Variants in CCNJL observed in about 807,000 individuals in gnomAD.
CCNJL encodes cyclin J like, also known as cyclin-J-like protein.
Under a neutral mutation model 33.4 loss-of-function variants are expected in CCNJL, and 33 were observed. The ratio of observed to expected loss-of-function variants is 0.99; its 90% CI spans 0.75 to 1.32. CCNJL has a LOEUF of 1.32. Among genes scored for constraint, CCNJL ranks in the 40% most tolerant of loss-of-function variants. CCNJL has a pLI of 0.00. For missense variants in CCNJL, 512 were observed against 499.7 expected (o/e 1.02, Z -0.23); for synonymous variants, 227 against 220.9 (o/e 1.03, Z -0.24).
chr5:160,317,144 AT>A (rs1315553633), upstream of CCNJL, among the ~76,000 whole-genome samples: 1 of 152,206 alleles, frequency 6.6e-6, no homozygotes, highest in African/African-American at 2.4e-5. Flanking sequence ...CCTTTAAATG[AT>A]TTTTAATCGT....
intron 2 of CCNJL, among the ~76,000 whole-genome samples, chr5:160,300,602 ATTC>A (rs1762891618): frequency 1.3e-5 from 2 of 152,226 alleles, no homozygotes; most frequent in South Asian, 2.1e-4. Context: ...GCCCAAGGCA[ATTC>A]TTCTTCCAGT....
chr5:160,270,997 A>T, intron 3 of CCNJL, among the ~76,000 whole-genome samples: 1 of 152,200 alleles, frequency 6.6e-6, no homozygotes, highest in East Asian at 1.9e-4. Flanking sequence ...ACAAAGAGAG[A>T]CTTTTCCTGT....
chr5:160,281,473 T>C (rs1468771291), intron 2 of CCNJL: 2 of 153,024 alleles, frequency 1.3e-5, no homozygotes, highest in Non-Finnish European at 2.9e-5. Flanking sequence ...AGATGACTTT[T>C]ACTTCTACTT....
rs1020431558 is a variant in CCNJL at position 160,251,896 on chromosome 5, T to C, written c.*1482A>G. ...AGAGTCTTATCCACACCCCGTCTCTTTTCTTACTGTCTCCATGCTGAGATT... is the reference window on the plus strand; with the variant it reads ...AGAGTCTTATCCACACCCCGTCTCTCTTCTTACTGTCTCCATGCTGAGATT... On this transcript the variant is annotated 3_prime_UTR_variant, in exon 6 of 6. Coordinates refer to ENST00000257536, the MANE Select transcript of CCNJL (RefSeq NM_001308173.3). 3.0e-4 allele frequency: 46 copies of C among 152,176 alleles called. No homozygotes were observed. Among genetic ancestry groups the C allele is most frequent in the African/African-American group, 1.1e-3 (46 of 41,440 alleles). 9.4% of individuals were successfully genotyped at this position (152,176 alleles called of 1,614,324 possible).
chr5:160,314,414 G>GA, upstream of CCNJL, among the ~76,000 whole-genome samples: 1 of 152,180 alleles, frequency 6.6e-6, no homozygotes, highest in South Asian at 2.1e-4. Flanking sequence ...TAGGTTGGGG[G>GA]AAAAAAGTAA....
chr5:160,265,520 C>A (rs1304102130), intron 3 of CCNJL, among the ~76,000 whole-genome samples: 2 of 152,052 alleles, frequency 1.3e-5, no homozygotes, highest in African/African-American at 2.4e-5. Context: ...CGCCTGTAGT[C>A]CCAGCTACTC....
Position 160,249,229 on chromosome 5 carries a change from T to A in CCNJL, c.*4149A>T, listed in dbSNP as rs929424220. 8 of 152,182 alleles carry A rather than the reference T, an allele frequency of 5.3e-5. No homozygotes were observed. Among genetic ancestry groups the A allele is most frequent in the African/African-American group, 1.9e-4 (8 of 41,452 alleles). 9.4% of individuals were successfully genotyped at this position (152,182 alleles called of 1,614,324 possible). On this transcript the variant is annotated 3_prime_UTR_variant, in exon 6 of 6. Coordinates refer to ENST00000257536, the MANE Select transcript of CCNJL (RefSeq NM_001308173.3). ...CACTTGCATGCTAGTTTATCTATGG[T>A]CAGTTGTGGAATAGGTCTGTTTCTA...
chr5:160,253,761 T>C lies in CCNJL; in HGVS notation c.781A>G (p.Lys261Glu), dbSNP rs1271314012. The change falls in exon 6 of 6, where the codon AAG becomes GAG. Residue 261 changes from lysine to glutamate, a missense_variant. Physicochemically the swap from Lys to Glu is moderately conservative, Grantham distance 56. Coordinates refer to ENST00000257536, the MANE Select transcript of CCNJL (RefSeq NM_001308173.3). ...GGCACCATTGCCAAGGCCTGGCTCT[T>C]GACGGCTACGGCATCCTTGAGGACG... The part of the protein sequence containing the change: ...DNVLKDAVAV[K>E]SQALAMVPGT... The C allele has an allele frequency of 2.0e-6, 3 of 1,535,942 alleles. No individual in the cohort carries two copies. Among genetic ancestry groups the C allele is most frequent in the South Asian group, 1.2e-5 (1 of 80,554 alleles).
chr5:160,311,910 G>C lies in CCNJL; in HGVS notation c.14C>G (p.Pro5Arg). The part of the protein sequence containing the change: MMDE[P>R]WWEGRVASDV... ...CGAGGCGACGCGCCCTTCCCACCACGGCTCATCCATCATCGCGTACGCAGC... is the reference window on the plus strand; with the variant it reads ...CGAGGCGACGCGCCCTTCCCACCACCGCTCATCCATCATCGCGTACGCAGC... Residue 5 changes from proline to arginine, a missense_variant, in exon 2 of 6, where the codon CCG (proline) becomes CGG (arginine). Transcript: ENST00000257536. 1.2e-6 allele frequency: 2 copies of C among 1,614,092 alleles called. No homozygotes were observed. Among genetic ancestry groups the C allele is most frequent in the Non-Finnish European group, 8.5e-7 (1 of 1,179,984 alleles).
chr5:160,257,144 G>A (rs367845996), intron 4 of CCNJL, among the ~76,000 whole-genome samples: 1 of 151,840 alleles, frequency 6.6e-6, no homozygotes, highest in Non-Finnish European at 1.5e-5. Flanking sequence ...AGTTTGAGAC[G>A]AGCCTGAGCA....
chr5:160,266,975 A>C (rs1476357936), intron 3 of CCNJL, among the ~76,000 whole-genome samples: 1 of 152,158 alleles, frequency 6.6e-6, no homozygotes, highest in East Asian at 1.9e-4. Context: ...GTTGCGTCCA[A>C]GGCCTTTCCC....
intron 3 of CCNJL, among the ~76,000 whole-genome samples, chr5:160,279,241 T>A (rs576554391): frequency 6.6e-6 from 1 of 151,854 alleles, no homozygotes; most frequent in African/African-American, 2.4e-5. Context: ...GGAGGGGAAA[T>A]GAATAATGAA....
chr5:160,277,387 T>A (rs896576890), intron 3 of CCNJL, among the ~76,000 whole-genome samples: 1 of 152,146 alleles, frequency 6.6e-6, no homozygotes, highest in African/African-American at 2.4e-5. Flanking sequence ...ATTTCCACGT[T>A]GTCAAATTAT....
chr5:160,285,419 T>C (rs1203933864), intron 2 of CCNJL, among the ~76,000 whole-genome samples: 1 of 144,684 alleles, frequency 6.9e-6, no homozygotes, highest in African/African-American at 2.6e-5. Context: ...AACTAATTGC[T>C]GAAAGACAGA....
upstream of CCNJL, among the ~76,000 whole-genome samples, chr5:160,317,240 G>A (rs1454179074): frequency 6.6e-6 from 1 of 152,162 alleles, no homozygotes; most frequent in African/African-American, 2.4e-5. Flanking sequence ...GGCAGATTAG[G>A]TCTGAGAACA....
chr5:160,325,220 C>A (rs1267003646), intron 1 of CCNJL, among the ~76,000 whole-genome samples: 2 of 152,198 alleles, frequency 1.3e-5, no homozygotes, highest in Non-Finnish European at 2.9e-5. Flanking sequence ...CCTAGTACAG[C>A]AGTCTGTTAA....
intron 3 of CCNJL, chr5:160,269,591 C>T (rs1761749605): frequency 2.3e-6 from 1 of 426,050 alleles, no homozygotes; most frequent in South Asian, 1.6e-5. Flanking sequence ...ATCTTGGGTA[C>T]CGCCCTTGTG....
At chr5:160,305,018 G>C (rs192547823) in intron 2 of CCNJL, among the ~76,000 whole-genome samples, 15 of 151,962 alleles carry the variant, frequency 9.9e-5, no homozygotes, top group Non-Finnish European at 2.1e-4. Context: ...GCTTCACCTT[G>C]TTGGCCAGGA....
chr5:160,284,360 TTAAAA>T (rs935556109), intron 2 of CCNJL, among the ~76,000 whole-genome samples: 2 of 151,888 alleles, frequency 1.3e-5, no homozygotes, highest in African/African-American at 2.4e-5. Flanking sequence ...TCAAAAAAAA[TTAAAA>T]TAAAATAAAA....
Sources: gnomAD v4.1 joint callset for allele counts (sites outside exome capture counted in the v4.1 genomes callset) on GRCh38, gnomAD v4.1.1 for gene constraint, MANE v1.5 for transcripts, NCBI Gene and HGNC (gene_info 2026-07-23, HGNC 2026-07-21) for gene names.